The following TCN1 variants were observed in gnomAD, a reference collection of about 807,000 sequenced individuals.
TCN1 encodes the protein transcobalamin 1, also known as transcobalamin-1.
TCN1 carries 47 observed loss-of-function variants against 46.3 expected under a neutral mutation model. The observed-to-expected ratio is 1.01, with a 90% CI of 0.80 to 1.29. The LOEUF is 1.29. Ranked by LOEUF, TCN1 falls within the 50% of genes most tolerant of loss-of-function variation. The pLI is 0.00. For missense variants in TCN1, 532 were observed against 511.0 expected, an observed-to-expected ratio of 1.04 and a Z score of -0.40; for synonymous variants, 183 against 192.5, an observed-to-expected ratio of 0.95 and a Z score of 0.41.
intron 2 of TCN1, among the ~76,000 whole-genome samples, chr11:59,863,462 G>C (rs565313960): frequency 6.6e-6 from 1 of 152,132 alleles, no homozygotes; most frequent in African/African-American, 2.4e-5. Context: ...AGGTAGGTAA[G>C]AGTGGCTTCT....
At chr11:59,858,268 G>A (rs1565214101) in intron 5 of TCN1, among the ~76,000 whole-genome samples, 1 of 152,138 alleles carries the variant, frequency 6.6e-6, no homozygotes, top group East Asian at 1.9e-4. Context: ...CTTCCTGGGT[G>A]GAACAGAGCG....
Position 59,852,839 on chromosome 11 carries a change from G to T in TCN1, c.*136C>A. On this transcript the variant is annotated 3_prime_UTR_variant, in exon 9 of 9. Coordinates refer to ENST00000257264, the MANE Select transcript of TCN1 (RefSeq NM_001062.4). ...TGTTAATCTTTCAACAACTTTTATT[G>T]AACATGTAGAGAGAGAAGGGGAGGT... 2 of 818,178 alleles carry T rather than the reference G, an allele frequency of 2.4e-6. No homozygotes were observed. Among genetic ancestry groups the T allele is most frequent in the South Asian group, 1.4e-5 (1 of 73,282 alleles). 50.7% of individuals were successfully genotyped at this position (818,178 alleles called of 1,614,324 possible). A position where few individuals can be genotyped will look rare whatever the true frequency, so the allele number is the denominator to read the frequency against.
At chr11:59,859,852 T>C (rs1406562355) in intron 4 of TCN1, among the ~76,000 whole-genome samples, 1 of 152,142 alleles carries the variant, frequency 6.6e-6, no homozygotes, top group Non-Finnish European at 1.5e-5. Flanking sequence ...AAATTCAAGA[T>C]GCATGCTGAA....
Position 59,855,876 on chromosome 11 carries a change from A to G in TCN1, c.930T>C (p.Ser310=), listed in dbSNP as rs554381721. ...LDINKDSSCV[S]ASGNFNISAD... is the part of the protein sequence containing the mutation. ...TCTCTTTAATGCTTATACCTGAAGC[A>G]GAGACGCAAGAAGAGTCTTTGTTAA... Residue 310 remains serine (S), a synonymous_variant, in exon 6 of 9, where the codon TCT becomes TCC. Coordinates refer to ENST00000257264, the MANE Select transcript of TCN1 (RefSeq NM_001062.4). 6 of 1,613,724 alleles carry G rather than the reference A, an allele frequency of 3.7e-6. No homozygotes were observed. The highest frequency in any genetic ancestry group is 5.1e-6 in the Non-Finnish European group (6 of 1,179,756).
At chr11:59,855,748 G>T in intron 6 of TCN1, 121 bp downstream of exon 6, 1 of 1,096,470 alleles carries the variant, frequency 9.1e-7, no homozygotes, top group Non-Finnish European at 1.4e-6. Flanking sequence ...AATTCTCTCT[G>T]GCAACTGTTA....
At position 59,854,745 on chromosome 11, in the gene TCN1, T is replaced by C. The variant is rs755392459; in HGVS notation, c.1028A>G (p.Asn343Ser). ...YISVNYSVRINETYFTNVTVL... is the reference protein window; with the variant it reads ...YISVNYSVRISETYFTNVTVL... ...AGTGACATTGGTGAAATATGTTTCA[T>C]TGATTCTCACAGAGTAATTGACGGA... The change falls in exon 7 of 9, where the codon AAT becomes AGT. Residue 343 changes from asparagine to serine, a missense_variant. Asn to Ser is a conservative substitution (Grantham distance 46, BLOSUM62 1). Transcript: ENST00000257264. 1.4e-5 allele frequency: 22 copies of C among 1,614,038 alleles called. No individual in the cohort carries two copies. The highest frequency in any genetic ancestry group is 1.7e-5 in the Non-Finnish European group (20 of 1,179,924).
chr11:59,861,707 C>T (rs750381778), intron 3 of TCN1, 25 bp from the exon 4 acceptor site: 2 of 1,612,208 alleles, frequency 1.2e-6, no homozygotes, highest in Admixed American at 1.7e-5. Context: ...AAATACCTCC[C>T]TTAATCATGG....
rs768650292 is a variant in TCN1, at chr11:59,866,406, A to G, written c.65T>C (p.Leu22Pro). ...LLLFSFIPSQ[L>P]CEICEVSEEN... ...AGTTTACTCACCACAAATCTCGCATAGTTGGCTTGGAATAAAAGAAAACAG... is the reference window on the plus strand; with the variant it reads ...AGTTTACTCACCACAAATCTCGCATGGTTGGCTTGGAATAAAAGAAAACAG... Residue 22 changes from leucine to proline, a missense_variant, in exon 1 of 9, where the codon CTA (leucine) becomes CCA (proline). By Grantham distance (98) the Leu-to-Pro change is moderately conservative. Transcript: ENST00000257264. 4 of 1,613,490 alleles carry G rather than the reference A, an allele frequency of 2.5e-6. No homozygotes were observed. The highest frequency in any genetic ancestry group is 1.7e-6 in the Non-Finnish European group (2 of 1,179,500).
chr11:59,853,513 A>G (rs375969260), intron 7 of TCN1, among the ~76,000 whole-genome samples, 192 bp from the exon 8 acceptor site: 3 of 152,282 alleles, frequency 2.0e-5, no homozygotes, highest in African/African-American at 7.2e-5. Context: ...TGCTTTATAA[A>G]CACTCCAGCT....
At chr11:59,865,861 A>C (rs946134795) in intron 1 of TCN1, among the ~76,000 whole-genome samples, 8 of 152,158 alleles carry the variant, frequency 5.3e-5, no homozygotes, top group Non-Finnish European at 8.8e-5. Context: ...ACTTTATCCC[A>C]TGTGTCCTGG....
At position 59,859,214 on chromosome 11, in the gene TCN1, T is replaced by C. The variant is rs1244757673; in HGVS notation, c.610A>G (p.Asn204Asp). The change falls in exon 5 of 9, where the codon AAT becomes GAT. Residue 204 changes from asparagine to aspartate, a missense_variant. Physicochemically the swap from Asn to Asp is conservative, Grantham distance 23 (BLOSUM62 1). Transcript: ENST00000257264. ...ALTCVKKSLI[N>D]GQIKADEGSL... ...CCTTCATCTGCTTTGATCTGCCCAT[T>C]TATTAGACTCTTCTTCACACAGGTC... 6.2e-7 allele frequency: 1 copy of C among 1,614,096 alleles called. No homozygotes were observed. Among genetic ancestry groups the C allele is most frequent in the Non-Finnish European group, 8.5e-7 (1 of 1,180,042 alleles).
chr11:59,856,796 G>A (rs991982593), intron 5 of TCN1, among the ~76,000 whole-genome samples: 10 of 152,220 alleles, frequency 6.6e-5, no homozygotes, highest in Non-Finnish European at 1.2e-4. Flanking sequence ...TCATTTGATT[G>A]ACAACGATGA....
rs766970529 is a variant in TCN1 at position 59,859,233 on chromosome 11, A to T, written c.591T>A (p.Cys197Ter). 1.2e-6 allele frequency: 2 copies of T among 1,613,984 alleles called. No homozygotes were observed. The highest frequency in any genetic ancestry group is 4.5e-5 in the East Asian group (2 of 44,880). Residue 197 changes from cysteine (C) to a stop codon, truncating the protein, a stop_gained, in exon 5 of 9, where the codon TGT (cysteine) becomes TGA (stop). Coordinates refer to ENST00000257264, the MANE Select transcript of TCN1 (RefSeq NM_001062.4). LOFTEE classifies it high-confidence loss of function. Reference sequence around the variant, plus strand: ...GCCCATTTATTAGACTCTTCTTCACACAGGTCAGAGCCAGGACAGCCATTG... The same window carrying T: ...GCCCATTTATTAGACTCTTCTTCACTCAGGTCAGAGCCAGGACAGCCATTG... Reference protein sequence around the residue: ...TGAMAVLALTCVKKSLINGQI... With the variant: ...TGAMAVLALT
chr11:59,864,114 AAC>A (rs1853047071), intron 1 of TCN1, 28 bp from the exon 2 acceptor site: 13 of 1,610,110 alleles, frequency 8.1e-6, no homozygotes, highest in Non-Finnish European at 1.0e-5. Flanking sequence ...GGAAATAAGA[AAC>A]ACATACTCAG....
At position 59,861,586 on chromosome 11, in the gene TCN1, A is replaced by C; in HGVS notation, c.497T>G (p.Val166Gly). ...ATTTTCAGGAGTGAAGTGGTTGACAACTTCGGCGGTTGAGTAGTTCCCATT... is the reference window on the plus strand; with the variant it reads ...ATTTTCAGGAGTGAAGTGGTTGACACCTTCGGCGGTTGAGTAGTTCCCATT... ...LFNGNYSTAE[V>G]VNHFTPENKN... Residue 166 changes from valine (V) to glycine (G), a missense_variant, in exon 4 of 9, where the codon GTT becomes GGT. Coordinates refer to ENST00000257264, the MANE Select transcript of TCN1 (RefSeq NM_001062.4). The C allele has an allele frequency of 6.2e-7, 1 of 1,614,182 alleles. No homozygotes were observed. The highest frequency in any genetic ancestry group is 2.2e-5 in the East Asian group (1 of 44,878).
intron 1 of TCN1, 59 bp downstream of exon 1, chr11:59,866,333 T>A (rs1853075144): frequency 6.5e-7 from 1 of 1,545,140 alleles, no homozygotes; most frequent in African/African-American, 1.4e-5. Flanking sequence ...TAGAGTCTCT[T>A]GTCAACAGTT....
intron 4 of TCN1, 103 bp from the exon 5 acceptor site, chr11:59,859,370 C>T (rs1289724621): frequency 3.9e-6 from 5 of 1,275,112 alleles, no homozygotes; most frequent in Non-Finnish European, 4.5e-6. Flanking sequence ...AAAAGAAAAA[C>T]AGATCTAGAA....
chr11:59,855,760 G>A (rs547697594), intron 6 of TCN1, 109 bp downstream of exon 6: 4 of 1,217,390 alleles, frequency 3.3e-6, no homozygotes, highest in East Asian at 4.7e-5. Flanking sequence ...CAACTGTTAT[G>A]TTTTGGAGGT....
chr11:59,854,779 A>C lies in TCN1; in HGVS notation c.994T>G (p.Ser332Ala), dbSNP rs1852912432. Residue 332 changes from serine (S) to alanine (A), a missense_variant, in exon 7 of 9, where the codon TCA becomes GCA. Ser to Ala is a moderately conservative substitution (Grantham distance 99). Coordinates refer to ENST00000257264, the MANE Select transcript of TCN1 (RefSeq NM_001062.4). ...ACAGAGTAATTGACGGAGATATATG[A>C]TTGTGAGTCAGGAGGTGTCACAGTT... Reference protein sequence around the residue: ...PITVTPPDSQSYISVNYSVRI... With the variant: ...PITVTPPDSQAYISVNYSVRI... 3 of 1,614,086 alleles carry C rather than the reference A, an allele frequency of 1.9e-6. No individual in the cohort carries two copies. In the Admixed American group the frequency reaches 5.0e-5, roughly 27 times the overall value.
Sources: allele counts gnomAD v4.1 joint callset (sites outside exome capture counted in the v4.1 genomes callset), GRCh38; gene constraint gnomAD v4.1.1; transcripts MANE v1.5; gene names NCBI Gene and HGNC (gene_info 2026-07-23, HGNC 2026-07-21).